The following IL1RAPL1 variants were observed in gnomAD, a reference collection of about 807,000 sequenced individuals.
IL1RAPL1 encodes the protein interleukin-1 receptor accessory protein-like 1.
IL1RAPL1 carries 3 observed loss-of-function variants against 48.4 expected under a neutral mutation model. The ratio of observed to expected loss-of-function variants is 0.06; its 90% CI spans 0.03 to 0.16. IL1RAPL1 has a LOEUF of 0.16. Ranked by LOEUF, IL1RAPL1 falls within the 10% of genes least tolerant of loss-of-function variation. The pLI, the probability that IL1RAPL1 is intolerant of heterozygous loss-of-function variation, is 1.00. For missense variants in IL1RAPL1, 349 were observed against 530.6 expected (o/e 0.66, Z 3.36); for synonymous variants, 185 against 187.7 (o/e 0.99, Z 0.12).
intron 6 of IL1RAPL1, among the ~76,000 whole-genome samples, chrX:29,790,812 A>G (rs1215999276): frequency 8.9e-6 from 1 of 111,856 alleles, no homozygotes; most frequent in African/African-American, 3.2e-5. Flanking sequence ...GAAAGCCACT[A>G]CTTTACAGTA....
In IL1RAPL1 at chrX:29,899,538, G is replaced by A. The variant is rs367643669; in HGVS notation, c.779-17926G>A. Among the ~76,000 whole-genome samples the A allele has an allele frequency of 9.4e-3, 1,005 of 107,421 alleles. 12 individuals carry two copies. The highest frequency in any genetic ancestry group is 0.032 in the African/African-American group (939 of 29,505). The allele number at this position is 107,421 out of a possible 115,157, so 93.3% of individuals were successfully genotyped here. Reference sequence around the variant, plus strand: ...TCATAGACTAGAAATGAGAATAACAGTGAATAATTTTTTTTTTTTTTTTGA... The same window carrying A: ...TCATAGACTAGAAATGAGAATAACAATGAATAATTTTTTTTTTTTTTTTGA... On this transcript the variant is annotated intron_variant, in intron 6 of 10. Coordinates refer to ENST00000378993, the MANE Select transcript of IL1RAPL1 (RefSeq NM_014271.4).
At chrX:28,813,802 C>A (rs1443718585) in intron 2 of IL1RAPL1, among the ~76,000 whole-genome samples, 1 of 110,712 alleles carries the variant, frequency 9.0e-6, no homozygotes, top group African/African-American at 3.3e-5. Context: ...GATAACTTTG[C>A]ACATTTGGAA....
chrX:29,132,536 C>T (rs183554270), intron 2 of IL1RAPL1, among the ~76,000 whole-genome samples: 1 of 111,968 alleles, frequency 8.9e-6, no homozygotes, highest in Non-Finnish European at 1.9e-5. Context: ...TAGGCTCTAC[C>T]ATCTAGGTTT....
At chrX:29,262,014 A>T (rs1473109305) in intron 2 of IL1RAPL1, among the ~76,000 whole-genome samples, 1 of 111,686 alleles carries the variant, frequency 9.0e-6, no homozygotes, top group African/African-American at 3.3e-5. Flanking sequence ...CATGCTAATC[A>T]TGTTGCCTGA....
chrX:29,365,882 A>G (rs1218331866), intron 3 of IL1RAPL1, among the ~76,000 whole-genome samples: 1 of 108,610 alleles, frequency 9.2e-6, no homozygotes, highest in African/African-American at 3.4e-5. Context: ...CTCTACTAAA[A>G]ATACAAAAAT....
intron 3 of IL1RAPL1, among the ~76,000 whole-genome samples, chrX:29,341,047 C>G (rs73631654): frequency 0.018 from 1,988 of 112,189 alleles, 40 homozygotes; most frequent in African/African-American, 0.061. Context: ...AATCAATGTT[C>G]TAATTATTAT....
At chrX:29,564,291 A>G (rs897172364) in intron 5 of IL1RAPL1, among the ~76,000 whole-genome samples, 2 of 112,413 alleles carry the variant, frequency 1.8e-5, no homozygotes, top group African/African-American at 6.5e-5. Flanking sequence ...AATAAGCATG[A>G]TTATTGCAAA....
chrX:28,759,264 C>T (rs947033219), intron 1 of IL1RAPL1, among the ~76,000 whole-genome samples: 10 of 109,862 alleles, frequency 9.1e-5, no homozygotes, highest in Non-Finnish European at 1.9e-4. Flanking sequence ...TAATAATATA[C>T]GTTGTCCTTA....
chrX:29,526,612 T>C (rs1317654548), intron 5 of IL1RAPL1, among the ~76,000 whole-genome samples: 1 of 111,634 alleles, frequency 9.0e-6, no homozygotes, highest in Non-Finnish European at 1.9e-5. Flanking sequence ...ATATGCAAAA[T>C]TAATAATGTT....
At chrX:29,568,822 AATTTTAATTAT>A (rs1301837344) in intron 5 of IL1RAPL1, among the ~76,000 whole-genome samples, 3 of 111,477 alleles carry the variant, frequency 2.7e-5, no homozygotes, top group Non-Finnish European at 5.7e-5. Flanking sequence ...TTACCAAGAA[AATTTTAATTAT>A]GTGGAAAAAA....
intron 5 of IL1RAPL1, among the ~76,000 whole-genome samples, chrX:29,593,438 A>AGAG (rs775490564): frequency 1.9e-4 from 21 of 112,179 alleles, no homozygotes; most frequent in Admixed American, 4.7e-4. Context: ...TGCCTTGTAT[A>AGAG]GAGTACATCA....
chrX:29,383,614 C>T (rs11799006), intron 3 of IL1RAPL1, among the ~76,000 whole-genome samples: 10,091 of 111,271 alleles, frequency 0.091, 369 homozygotes, highest in South Asian at 0.16. Context: ...CGGTTATTGC[C>T]GAGTAAAGTT....
At chrX:29,096,395 A>G (rs1287568908) in intron 2 of IL1RAPL1, among the ~76,000 whole-genome samples, 2 of 112,151 alleles carry the variant, frequency 1.8e-5, no homozygotes, top group Admixed American at 9.5e-5. Context: ...ATTTCATTAT[A>G]AAAATGCTTA....
intron 6 of IL1RAPL1, among the ~76,000 whole-genome samples, chrX:29,766,534 T>A (rs1334034217): frequency 1.0e-5 from 1 of 96,920 alleles, no homozygotes; most frequent in Non-Finnish European, 2.0e-5. Flanking sequence ...AACTTTCTTT[T>A]GAAAAATTTC....
At chrX:29,676,817 A>G (rs1926301179) in intron 6 of IL1RAPL1, among the ~76,000 whole-genome samples, 1 of 111,942 alleles carries the variant, frequency 8.9e-6, no homozygotes. Context: ...TGATAGTCAT[A>G]TCATTTTATA....
At chrX:29,347,881 A>C (rs963175004) in intron 3 of IL1RAPL1, among the ~76,000 whole-genome samples, 2 of 111,587 alleles carry the variant, frequency 1.8e-5, no homozygotes, top group Non-Finnish European at 3.8e-5. Context: ...AGGGCTACTA[A>C]GTGGCTAATG....
chrX:29,469,773 A>C (rs894019877), intron 5 of IL1RAPL1, among the ~76,000 whole-genome samples: 2 of 111,920 alleles, frequency 1.8e-5, no homozygotes, highest in Admixed American at 9.5e-5. Context: ...GCTTATTGAA[A>C]AGGGCTAATT....
intron 6 of IL1RAPL1, among the ~76,000 whole-genome samples, chrX:29,894,733 G>A (rs1429457755): frequency 9.0e-6 from 1 of 111,400 alleles, no homozygotes; most frequent in Non-Finnish European, 1.9e-5. Context: ...CAGGATTCTT[G>A]GATCTACAAA....
chrX:29,483,188 T>C (rs942180694), intron 5 of IL1RAPL1, among the ~76,000 whole-genome samples: 20 of 112,240 alleles, frequency 1.8e-4, no homozygotes, highest in Non-Finnish European at 2.8e-4. Context: ...AATCCTCTTG[T>C]TCTCCACTGA....
Sources: allele counts gnomAD v4.1 joint callset (sites outside exome capture counted in the v4.1 genomes callset), GRCh38; gene constraint gnomAD v4.1.1; transcripts MANE v1.5; gene names NCBI Gene and HGNC (gene_info 2026-07-23, HGNC 2026-07-21).